The following CDH8 variants were observed in gnomAD, a reference collection of about 807,000 sequenced individuals.
CDH8 encodes cadherin 8.
In CDH8, 17 loss-of-function variants were observed where a neutral mutation model predicts 68.1. The ratio of observed to expected loss-of-function variants is 0.25; its 90% confidence interval spans 0.17 to 0.37. CDH8 has a LOEUF of 0.37. Among genes scored for constraint, CDH8 ranks in the 10% least tolerant of loss-of-function variants. The pLI, the probability that CDH8 is intolerant of heterozygous loss-of-function variation, is 1.00. For missense variants in CDH8, 763 were observed against 999.3 expected (o/e 0.76, Z 3.19); for synonymous variants, 372 against 365.1 (o/e 1.02, Z -0.21).
Position 61,898,054 on chromosome 16 carries a change from C to A in CDH8, c.547+3125G>T, listed in dbSNP as rs1258701560. The stretch of plus-strand genomic sequence containing the variant: ...CGGTGGTTCACAACTGTAATCCCAG[C>A]ACTTTGGAAGGCTGAAGGGGGCAGA... On this transcript the variant is annotated intron_variant, in intron 3 of 11. Transcript: ENST00000577390. 3.3e-5 allele frequency among the ~76,000 whole-genome samples: 5 copies of A among 152,126 alleles called. No individual in the cohort carries two copies. The East Asian group carries it at 9.7e-4, about 29-fold the overall frequency.
At chr16:61,903,443 C>T (rs543604792) in intron 2 of CDH8, among the ~76,000 whole-genome samples, 1 of 152,328 alleles carries the variant, frequency 6.6e-6, no homozygotes, top group African/African-American at 2.4e-5. Flanking sequence ...CCTGCCTCAG[C>T]CGCCCGAGTA....
At chr16:62,014,875 AG>A (rs1567569230) in intron 2 of CDH8, among the ~76,000 whole-genome samples, 1 of 152,150 alleles carries the variant, frequency 6.6e-6, no homozygotes, top group Non-Finnish European at 1.5e-5. Flanking sequence ...TTAGTATAGA[AG>A]AACTATGACC....
intron 7 of CDH8, among the ~76,000 whole-genome samples, chr16:61,800,163 T>G (rs368734344): frequency 6.6e-6 from 1 of 152,304 alleles, no homozygotes; most frequent in African/African-American, 2.4e-5. Context: ...GCATTTATAT[T>G]CAAATGATGT....
At chr16:62,009,837 C>T (rs1357582993) in intron 2 of CDH8, among the ~76,000 whole-genome samples, 1 of 152,228 alleles carries the variant, frequency 6.6e-6, no homozygotes, top group African/African-American at 2.4e-5. Flanking sequence ...AAGCATGTAG[C>T]AAGATGTCTG....
chr16:61,737,614 T>G (rs1959735018), intron 8 of CDH8, among the ~76,000 whole-genome samples: 1 of 152,152 alleles, frequency 6.6e-6, no homozygotes, highest in Admixed American at 6.6e-5. Context: ...TCTAAATCAT[T>G]AGTGATGATT....
intron 3 of CDH8, among the ~76,000 whole-genome samples, chr16:61,899,647 C>T (rs1008426771): frequency 1.3e-4 from 19 of 151,870 alleles, no homozygotes; most frequent in African/African-American, 3.4e-4. Flanking sequence ...AAGGAGTACG[C>T]GACAAAATAA....
chr16:61,927,042 C>A (rs2143442592), intron 2 of CDH8, among the ~76,000 whole-genome samples: 1 of 152,272 alleles, frequency 6.6e-6, no homozygotes, highest in East Asian at 1.9e-4. Context: ...TCATTTCTCT[C>A]CTTTTTTCAT....
At chr16:61,991,671 C>T (rs1015575985) in intron 2 of CDH8, among the ~76,000 whole-genome samples, 44 of 152,192 alleles carry the variant, frequency 2.9e-4, no homozygotes, top group Non-Finnish European at 1.2e-4. Flanking sequence ...GTGCCCACTT[C>T]GTTAAGTCAG....
chr16:61,980,839 T>C (rs778458795), intron 2 of CDH8, among the ~76,000 whole-genome samples: 3 of 152,086 alleles, frequency 2.0e-5, no homozygotes, highest in Non-Finnish European at 4.4e-5. Flanking sequence ...AAAATAAATA[T>C]AAAATGCAGA....
chr16:61,849,163 T>G (rs1406519608), intron 4 of CDH8, among the ~76,000 whole-genome samples: 1 of 152,048 alleles, frequency 6.6e-6, no homozygotes, highest in African/African-American at 2.4e-5. Context: ...TACTCTCTTT[T>G]GTCCTAAAAC....
At chr16:61,703,771 C>T (rs1436442562) in intron 10 of CDH8, among the ~76,000 whole-genome samples, 6 of 151,968 alleles carry the variant, frequency 3.9e-5, no homozygotes, top group African/African-American at 9.7e-5. Context: ...ACCCGGGAGG[C>T]GGAGCTTGCA....
rs138554253 is a variant in CDH8 at position 61,977,616 on chromosome 16, T to C, written c.252+43536A>G. On this transcript the variant is annotated intron_variant, in intron 2 of 11. Transcript: ENST00000577390. ...AACAATACACCTCGGGAGAAAGATC[T>C]TCTAGAATCCCCATGAGAGATTTGG... 1.7e-3 allele frequency among the ~76,000 whole-genome samples: 247 copies of C among 147,854 alleles called. 5 individuals are homozygous for C. The East Asian group carries it at 0.041, about 25-fold the overall frequency.
rs768132367 is a variant in CDH8, at chr16:61,821,059, C to G, written c.890G>C (p.Arg297Thr). The G allele has an allele frequency of 6.2e-7, 1 of 1,612,614 alleles. No individual in the cohort carries two copies. Among genetic ancestry groups the G allele is most frequent in the African/African-American group, 1.3e-5 (1 of 74,808 alleles). ...EDVVLGTAIG[R>T]VKANDQDIGE... ...AATATCCTGATCATTGGCCTTCACC[C>G]TTCCTATTGCAGTGCCAAGAACCAC... The change falls in exon 6 of 12, where the codon AGG becomes ACG. Residue 297 changes from arginine (R) to threonine (T), a missense_variant. This residue lies in a region of CDH8 where 366 missense variants were observed against 563.1 expected (regional missense o/e 0.65). Coordinates refer to ENST00000577390, the MANE Select transcript of CDH8 (RefSeq NM_001796.5).
intron 8 of CDH8, among the ~76,000 whole-genome samples, chr16:61,787,349 A>G (rs1313783941): frequency 1.4e-5 from 2 of 147,486 alleles, no homozygotes; most frequent in African/African-American, 5.1e-5. Flanking sequence ...AATGCTCATC[A>G]TCACTAGCCA....
intron 2 of CDH8, among the ~76,000 whole-genome samples, chr16:61,978,905 T>C (rs1965486051): frequency 2.0e-5 from 3 of 152,176 alleles, no homozygotes; most frequent in Admixed American, 2.0e-4. Context: ...TGCCAATCTT[T>C]GCCTTTTAAT....
At chr16:61,956,021 G>A (rs1964981882) in intron 2 of CDH8, among the ~76,000 whole-genome samples, 1 of 152,164 alleles carries the variant, frequency 6.6e-6, no homozygotes, top group South Asian at 2.1e-4. Context: ...AAATTATTAA[G>A]CTTACAAATA....
At chr16:61,876,888 G>A (rs988074264) in intron 3 of CDH8, among the ~76,000 whole-genome samples, 2 of 152,138 alleles carry the variant, frequency 1.3e-5, no homozygotes, top group African/African-American at 4.8e-5. Flanking sequence ...ATAAGAGGTA[G>A]AAATGGCAGA....
At chr16:61,895,893 A>G (rs1274297027) in intron 3 of CDH8, among the ~76,000 whole-genome samples, 1 of 152,154 alleles carries the variant, frequency 6.6e-6, no homozygotes, top group Non-Finnish European at 1.5e-5. Flanking sequence ...GGCAGGGATT[A>G]TTGTATACAC....
At chr16:61,914,738 G>C (rs1045778074) in intron 2 of CDH8, among the ~76,000 whole-genome samples, 1 of 129,426 alleles carries the variant, frequency 7.7e-6, no homozygotes, top group African/African-American at 2.8e-5. Context: ...ATAATAAAAA[G>C]AGTTAAAAAA....
Sources: gnomAD v4.1 joint callset for allele counts (sites outside exome capture counted in the v4.1 genomes callset) on GRCh38, gnomAD v4.1.1 for gene constraint, gnomAD v4.1.1 regional missense constraint, MANE v1.5 for transcripts, NCBI Gene and HGNC (gene_info 2026-07-23, HGNC 2026-07-21) for gene names.